Variants in GALNTL6 observed in about 807,000 individuals in gnomAD.
The protein encoded by GALNTL6 is polypeptide N-acetylgalactosaminyltransferase like 6, also known as polypeptide N-acetylgalactosaminyltransferase-like 6.
A neutral mutation model predicts 73.7 loss-of-function variants in GALNTL6; 46 were observed. That is an observed-to-expected ratio of 0.62 (90% confidence interval 0.49 to 0.80). GALNTL6 has a LOEUF of 0.80. Ranked by LOEUF, GALNTL6 falls within the 30% of genes least tolerant of loss-of-function variation. GALNTL6 has a pLI of 0.00. For missense variants in GALNTL6, 604 were observed against 755.0 expected, an observed-to-expected ratio of 0.80 and a Z score of 2.34; for synonymous variants, 259 against 263.7, an observed-to-expected ratio of 0.98 and a Z score of 0.17.
chr4:172,184,150 C>A (rs535698513), intron 2 of GALNTL6, among the ~76,000 whole-genome samples: 67 of 152,198 alleles, frequency 4.4e-4, no homozygotes, highest in Non-Finnish European at 9.0e-4. Flanking sequence ...AGATTCTGCC[C>A]CTCTCTGAGA....
intron 5 of GALNTL6, among the ~76,000 whole-genome samples, chr4:172,675,483 GGT>G (rs1420889901): frequency 6.6e-6 from 1 of 152,210 alleles, no homozygotes; most frequent in Admixed American, 6.5e-5. Context: ...ATGTGTGCAT[GGT>G]GGCACTGGAG....
At chr4:172,281,201 T>C (rs1038443277) in intron 3 of GALNTL6, among the ~76,000 whole-genome samples, 7 of 151,952 alleles carry the variant, frequency 4.6e-5, no homozygotes, top group Admixed American at 2.0e-4. Flanking sequence ...GCAAATTCAT[T>C]ACCTTACAGT....
At chr4:173,024,758 T>C (rs578056032) in intron 12 of GALNTL6, among the ~76,000 whole-genome samples, 1 of 152,282 alleles carries the variant, frequency 6.6e-6, no homozygotes, top group South Asian at 2.1e-4. Flanking sequence ...TTTGTATTTT[T>C]AGTAGAGACA....
intron 3 of GALNTL6, among the ~76,000 whole-genome samples, chr4:172,269,206 G>T (rs1738554591): frequency 6.6e-6 from 1 of 152,114 alleles, no homozygotes; most frequent in South Asian, 2.1e-4. Flanking sequence ...GACGTCTTGA[G>T]ATTCATGTCC....
At chr4:172,355,601 G>T (rs1236068700) in intron 5 of GALNTL6, among the ~76,000 whole-genome samples, 1 of 152,020 alleles carries the variant, frequency 6.6e-6, no homozygotes, top group African/African-American at 2.4e-5. Flanking sequence ...AGTACTAAAT[G>T]AATGAAATAA....
intron 12 of GALNTL6, among the ~76,000 whole-genome samples, chr4:173,029,939 C>G (rs1045589955): frequency 6.6e-6 from 1 of 152,190 alleles, no homozygotes; most frequent in Non-Finnish European, 1.5e-5. Context: ...AAGCACTGAG[C>G]CCTCTATCAT....
At chr4:172,160,284 T>C (rs989100234) in intron 2 of GALNTL6, among the ~76,000 whole-genome samples, 3 of 151,596 alleles carry the variant, frequency 2.0e-5, no homozygotes, top group Non-Finnish European at 4.4e-5. Flanking sequence ...ATACCTATCA[T>C]ATAGTAGTAA....
chr4:172,760,480 C>T (rs997851086), intron 5 of GALNTL6, among the ~76,000 whole-genome samples: 1 of 152,204 alleles, frequency 6.6e-6, no homozygotes, highest in African/African-American at 2.4e-5. Flanking sequence ...GGCTCCTTTG[C>T]TCTCACCTTC....
At chr4:172,834,054 T>G (rs1742779200) in intron 7 of GALNTL6, among the ~76,000 whole-genome samples, 1 of 151,230 alleles carries the variant, frequency 6.6e-6, no homozygotes, top group African/African-American at 2.4e-5. Flanking sequence ...GAGACGGAGG[T>G]TGCAGTGAGC....
At chr4:172,369,362 G>A (rs888719906) in intron 5 of GALNTL6, among the ~76,000 whole-genome samples, 11 of 152,336 alleles carry the variant, frequency 7.2e-5, no homozygotes, top group Middle Eastern at 6.8e-3. Context: ...CAATCCTTTA[G>A]CTAGACATAA....
intron 2 of GALNTL6, among the ~76,000 whole-genome samples, chr4:172,038,384 A>G (rs1741997623): frequency 6.6e-6 from 1 of 152,152 alleles, no homozygotes; most frequent in South Asian, 2.1e-4. Context: ...CCAATTTGCT[A>G]AAGAGAGTTT....
chr4:172,527,076 A>G (rs1734985142), intron 5 of GALNTL6, among the ~76,000 whole-genome samples: 1 of 152,226 alleles, frequency 6.6e-6, no homozygotes, highest in South Asian at 2.1e-4. Flanking sequence ...CTGTGTAATT[A>G]CATACAGTAT....
At chr4:172,493,620 T>C (rs1239354821) in intron 5 of GALNTL6, among the ~76,000 whole-genome samples, 1 of 152,152 alleles carries the variant, frequency 6.6e-6, no homozygotes, top group Admixed American at 6.6e-5. Flanking sequence ...TAACTGACCT[T>C]TAAAAAAAAC....
At chr4:172,361,548 G>GT (rs1427515126) in intron 5 of GALNTL6, among the ~76,000 whole-genome samples, 1 of 152,054 alleles carries the variant, frequency 6.6e-6, no homozygotes, top group Admixed American at 6.6e-5. Flanking sequence ...TTCTGGGTCT[G>GT]TACTTAGCCT....
intron 2 of GALNTL6, among the ~76,000 whole-genome samples, chr4:172,156,546 T>TATATATATATATATAATATATATA (rs1560945588): frequency 2.8e-5 from 2 of 70,298 alleles, no homozygotes; most frequent in Non-Finnish European, 5.7e-5. Flanking sequence ...ATATAATATA[T>TATATATATATATATAATATATATA]ATATATATAT....
chr4:172,566,730 A>C (rs1471727813), intron 5 of GALNTL6, among the ~76,000 whole-genome samples: 1 of 151,966 alleles, frequency 6.6e-6, no homozygotes, highest in African/African-American at 2.4e-5. Flanking sequence ...AGAAAAAAAT[A>C]AATGGAACTA....
chr4:172,441,489 T>A (rs1209852296), intron 5 of GALNTL6, among the ~76,000 whole-genome samples: 1 of 152,168 alleles, frequency 6.6e-6, no homozygotes, highest in Non-Finnish European at 1.5e-5. Context: ...AAGATGCTGC[T>A]CTGGTTTTTT....
At chr4:172,381,001 C>G (rs900353360) in intron 5 of GALNTL6, among the ~76,000 whole-genome samples, 1 of 152,204 alleles carries the variant, frequency 6.6e-6, no homozygotes, top group Non-Finnish European at 1.5e-5. Flanking sequence ...TCCTGTCATA[C>G]TTTGAACTGT....
chr4:172,448,533 T>C (rs1160891566), intron 5 of GALNTL6, among the ~76,000 whole-genome samples: 1 of 152,190 alleles, frequency 6.6e-6, no homozygotes, highest in East Asian at 1.9e-4. Flanking sequence ...AGCAGGCTTA[T>C]TTAAATTCTT....
Sources: allele counts gnomAD v4.1 joint callset (sites outside exome capture counted in the v4.1 genomes callset), GRCh38; gene constraint gnomAD v4.1.1; transcripts MANE v1.5; gene names NCBI Gene and HGNC (gene_info 2026-07-23, HGNC 2026-07-21).